The following GRB10 variants were observed in gnomAD, a reference collection of about 807,000 sequenced individuals.
The protein encoded by GRB10 is growth factor receptor-bound protein 10.
A neutral mutation model predicts 80.9 loss-of-function variants in GRB10; 20 were observed. The observed-to-expected ratio is 0.25, with a 90% CI of 0.17 to 0.36. GRB10 has a LOEUF of 0.36. Ranked by LOEUF, GRB10 falls within the 10% of genes least tolerant of loss-of-function variation. GRB10 has a pLI of 1.00. For missense variants in GRB10, 548 were observed against 747.7 expected, an observed-to-expected ratio of 0.73 and a Z score of 3.12; for synonymous variants, 291 against 291.5, an observed-to-expected ratio of 1.00 and a Z score of 0.02.
chr7:50,698,063 T>C (rs1307218110), intron 5 of GRB10, among the ~76,000 whole-genome samples: 1 of 152,232 alleles, frequency 6.6e-6, no homozygotes, highest in African/African-American at 2.4e-5. Flanking sequence ...GAAATGAGTA[T>C]CCAGAATCAG....
At chr7:50,703,744 A>G in intron 5 of GRB10, 77 bp downstream of exon 5, 1 of 1,036,452 alleles carries the variant, frequency 9.6e-7, no homozygotes, top group East Asian at 2.4e-5. Flanking sequence ...GTCAAGAGCA[A>G]CATTTTAGAA....
intron 8 of GRB10, 39 bp downstream of exon 8, chr7:50,626,783 G>A (rs763547737): frequency 1.2e-6 from 2 of 1,612,082 alleles, no homozygotes; most frequent in East Asian, 2.2e-5. Flanking sequence ...TTGCACATAA[G>A]CATCCCCAGG....
intron 6 of GRB10, among the ~76,000 whole-genome samples, chr7:50,670,895 G>A (rs559352915): frequency 3.9e-5 from 6 of 152,106 alleles, no homozygotes; most frequent in African/African-American, 1.4e-4. Context: ...GGAAACACAC[G>A]CTGAATCCAC....
rs536940593 is a variant in GRB10 at position 50,663,233 on chromosome 7, C to A, written c.504+6489G>T. On this transcript the variant is annotated intron_variant, in intron 7 of 18. Coordinates refer to ENST00000401949, the MANE Select transcript of GRB10 (RefSeq NM_001350814.2). The stretch of plus-strand genomic sequence containing the variant: ...GAAGTGGGACCCCAGGCAGCCCCCT[C>A]CCTGGGGATGCTGACAGGTGAAGGG... 2.0e-5 allele frequency among the ~76,000 whole-genome samples: 3 copies of A among 152,246 alleles called. No individual in the cohort carries two copies. In the East Asian group the frequency reaches 5.8e-4, roughly 30 times the overall value.
At chr7:50,664,823 G>C (rs886782532) in intron 7 of GRB10, among the ~76,000 whole-genome samples, 8 of 152,202 alleles carry the variant, frequency 5.3e-5, no homozygotes. Context: ...ACAACAGCCT[G>C]TCTTTTCAAA....
chr7:50,603,267 C>T (rs924579661), intron 17 of GRB10, among the ~76,000 whole-genome samples: 10 of 152,220 alleles, frequency 6.6e-5, no homozygotes, highest in African/African-American at 2.4e-4. Context: ...TCCCATGTCC[C>T]TGTCCCTATA....
At chr7:50,668,699 T>C (rs2060061703) in intron 7 of GRB10, among the ~76,000 whole-genome samples, 2 of 152,250 alleles carry the variant, frequency 1.3e-5, no homozygotes, top group Non-Finnish European at 2.9e-5. Context: ...GTTGTTCTAA[T>C]GATCACCTCC....
intron 14 of GRB10, among the ~76,000 whole-genome samples, chr7:50,605,721 C>T (rs1028670013): frequency 5.9e-5 from 9 of 152,168 alleles, no homozygotes; most frequent in African/African-American, 2.2e-4. Context: ...TCCAACACAT[C>T]AAAGAAATCA....
chr7:50,703,976 C>T (rs1348683989), intron 4 of GRB10, 68 bp from the exon 5 acceptor site: 3 of 1,006,032 alleles, frequency 3.0e-6, no homozygotes, highest in Non-Finnish European at 4.7e-6. Context: ...TTTCAACACC[C>T]AGCTTCCCCA....
intron 6 of GRB10, among the ~76,000 whole-genome samples, chr7:50,672,303 C>T (rs1345164486): frequency 4.6e-5 from 7 of 152,200 alleles, no homozygotes; most frequent in Non-Finnish European, 4.4e-5. Flanking sequence ...GTTACCGCCC[C>T]GCTGTGCCAC....
At chr7:50,634,201 A>T (rs954011511) in intron 7 of GRB10, among the ~76,000 whole-genome samples, 24 of 152,206 alleles carry the variant, frequency 1.6e-4, no homozygotes, top group African/African-American at 5.3e-4. Context: ...CTCAGCAGAA[A>T]CCTTACAAGT....
At chr7:50,784,775 T>C (rs145467288), upstream of GRB10, among the ~76,000 whole-genome samples, 56 of 152,290 alleles carry the variant, frequency 3.7e-4, no homozygotes, top group African/African-American at 1.3e-3. Context: ...GCAAAAGAGA[T>C]GAAGGCTAAG....
Position 50,592,798 on chromosome 7 carries a change from A to G in GRB10, c.*154T>C. On this transcript the variant is annotated 3_prime_UTR_variant, in exon 19 of 19. Transcript: ENST00000401949. ...CAGCAAATCGTCGTTTAAGTCCAAC[A>G]AACTAGTCAATCTTGGTCGGCTGGC... 1 of 894,314 alleles carries G rather than the reference A, an allele frequency of 1.1e-6. No individual in the cohort carries two copies. Among genetic ancestry groups the G allele is most frequent in the Admixed American group, 1.9e-5 (1 of 52,846 alleles). 55.4% of individuals were successfully genotyped at this position (894,314 alleles called of 1,614,324 possible).
chr7:50,692,708 A>G (rs1430670812), intron 5 of GRB10, among the ~76,000 whole-genome samples: 1 of 152,174 alleles, frequency 6.6e-6, no homozygotes, highest in Non-Finnish European at 1.5e-5. Flanking sequence ...TATACCAGGC[A>G]GTATATATGT....
At chr7:50,748,960 A>G (rs2073584258) in intron 3 of GRB10, among the ~76,000 whole-genome samples, 1 of 152,238 alleles carries the variant, frequency 6.6e-6, no homozygotes. Flanking sequence ...ATTAAAAGAC[A>G]TATTAAATAA....
intron 2 of GRB10, chr7:50,779,794 A>C (rs2078089616): frequency 6.6e-6 from 1 of 152,232 alleles, no homozygotes; most frequent in East Asian, 1.9e-4. Flanking sequence ...GAAAGGAAAA[A>C]AATTATTTGT....
intron 2 of GRB10, among the ~76,000 whole-genome samples, chr7:50,772,117 G>A (rs940837393): frequency 1.3e-5 from 2 of 152,072 alleles, no homozygotes; most frequent in African/African-American, 4.8e-5. Context: ...CGGCCCTATG[G>A]TCTCAATCAT....
Position 50,604,436 on chromosome 7 carries a change from AAT to A in GRB10, c.1390-61_1390-60del. 2 of 1,410,666 alleles carry A rather than the reference AAT, an allele frequency of 1.4e-6. 1 individual carries two copies. The highest frequency in any genetic ancestry group is 4.9e-4 in the Middle Eastern group (2 of 4,118). 87.4% of individuals were successfully genotyped at this position (1,410,666 alleles called of 1,614,324 possible). On this transcript the variant is annotated intron_variant, in intron 15 of 18. Transcript: ENST00000401949. ...AGCAGACAGACACACCAAGTCACCC[AAT>A]ATGTCCAAGCTCATGGCAGGCCACT... is the stretch of plus-strand genomic sequence containing the variant.
At chr7:50,714,913 AC>A (rs1345588731) in intron 4 of GRB10, among the ~76,000 whole-genome samples, 1 of 151,934 alleles carries the variant, frequency 6.6e-6, no homozygotes. Context: ...CACATGACAC[AC>A]CCACATTCTT....
Sources: gnomAD v4.1 joint callset for allele counts (sites outside exome capture counted in the v4.1 genomes callset) on GRCh38, gnomAD v4.1.1 for gene constraint, MANE v1.5 for transcripts, NCBI Gene and HGNC (gene_info 2026-07-23, HGNC 2026-07-21) for gene names.